The following HERC1 variants were observed in gnomAD, a reference collection of about 807,000 sequenced individuals.
HERC1 encodes the protein probable E3 ubiquitin-protein ligase HERC1.
A neutral mutation model predicts 554.3 loss-of-function variants in HERC1; 160 were observed. The observed-to-expected ratio is 0.29, with a 90% CI of 0.25 to 0.33. The LOEUF (loss-of-function observed/expected upper bound fraction) is 0.33. HERC1 is among the 10% of genes least tolerant of loss of function. The pLI is 1.00. For synonymous variants in HERC1, 2,175 were observed against 2,131.7 expected (o/e 1.02, Z -0.56); for missense variants, 4,919 against 5,918.5 (o/e 0.83, Z 5.54).
chr15:63,726,266 G>A (rs189917463), intron 17 of HERC1, among the ~76,000 whole-genome samples: 328 of 152,322 alleles, frequency 2.2e-3, no homozygotes, highest in Non-Finnish European at 3.7e-3. Context: ...ATAGGCATGA[G>A]CCATCATGCC....
chr15:63,656,314 A>G lies in HERC1; in HGVS notation c.9644T>C (p.Leu3215Pro). The G allele has an allele frequency of 6.2e-7, 1 of 1,613,628 alleles. No individual in the cohort carries two copies. Among genetic ancestry groups the G allele is most frequent in the Non-Finnish European group, 8.5e-7 (1 of 1,179,740 alleles). Residue 3215 changes from leucine (L) to proline (P), a missense_variant, in exon 49 of 78, where the codon CTA becomes CCA. This residue lies in a region of HERC1 where 1,963 missense variants were observed against 2,228.6 expected (regional missense o/e 0.88). Coordinates refer to ENST00000443617, the MANE Select transcript of HERC1 (RefSeq NM_003922.4). Reference protein sequence around the residue: ...SLAAGLESLGLTDIRTLVRLM... With the variant: ...SLAAGLESLGPTDIRTLVRLM... ...TCGAACTAGCGTTCGGATATCTGTT[A>G]GCCCCAGAGACTCAAGACCAGCAGC...
Position 63,732,897 on chromosome 15 carries a change from T to A in HERC1, c.2868+27A>T, listed in dbSNP as rs941762687. 3 of 1,443,818 alleles carry A rather than the reference T, an allele frequency of 2.1e-6. No homozygotes were observed. The African/African-American group carries it at 4.2e-5, about 20-fold the overall frequency. 89.4% of individuals were successfully genotyped at this position (1,443,818 alleles called of 1,614,324 possible). A position where few individuals can be genotyped will look rare whatever the true frequency, so the allele number is the denominator to read the frequency against. On this transcript the variant is annotated intron_variant, in intron 14 of 77. Transcript: ENST00000443617. ...AGAGATCCCTACCCCTTTATTCTTT[T>A]TTTACTACAATGAAAGAACAACTTA... is the stretch of plus-strand genomic sequence containing the variant.
chr15:63,613,630 C>T (rs924772757), intron 76 of HERC1, among the ~76,000 whole-genome samples: 5 of 151,708 alleles, frequency 3.3e-5, no homozygotes, highest in Admixed American at 6.6e-5. Flanking sequence ...CCTATATTAT[C>T]GTGTTGTACA....
chr15:63,757,262 C>CCTTT (rs754467249), intron 4 of HERC1, among the ~76,000 whole-genome samples: 2 of 107,880 alleles, frequency 1.9e-5, no homozygotes, highest in African/African-American at 7.1e-5. Context: ...TTTTTATTTA[C>CCTTT]TTTTTTTTTT....
At position 63,678,002 on chromosome 15, in the gene HERC1, G is replaced by A. The variant is rs1435040668; in HGVS notation, c.6913C>T (p.Pro2305Ser). ...QLRTLCIEVWPVLAVIGGVDA... is the reference protein window; with the variant it reads ...QLRTLCIEVWSVLAVIGGVDA... ...ACTCCTCCTATCACAGCCAGCACGGGCCACACCTCTATGCAAAGAGTCCTC... is the reference window on the plus strand; with the variant it reads ...ACTCCTCCTATCACAGCCAGCACGGACCACACCTCTATGCAAAGAGTCCTC... The change falls in exon 37 of 78, where the codon CCC becomes TCC. Residue 2305 changes from proline to serine, a missense_variant. Pro to Ser is a moderately conservative substitution (Grantham distance 74). Around this residue, in one of 11 missense-constraint regions of HERC1, gnomAD observed 1,963 missense variants for 2,228.6 expected, o/e 0.88. Coordinates refer to ENST00000443617, the MANE Select transcript of HERC1 (RefSeq NM_003922.4). 2 of 1,613,936 alleles carry A rather than the reference G, an allele frequency of 1.2e-6. No homozygotes were observed. Among genetic ancestry groups the A allele is most frequent in the Non-Finnish European group, 1.7e-6 (2 of 1,179,866 alleles).
intron 52 of HERC1, 40 bp from the exon 53 acceptor site, chr15:63,651,420 C>G (rs1322021916): frequency 6.3e-7 from 1 of 1,578,074 alleles, no homozygotes; most frequent in South Asian, 1.2e-5. Context: ...TAATCCCCAT[C>G]ATTCAAAAGT....
chr15:63,639,902 T>C (rs555006142), intron 61 of HERC1, among the ~76,000 whole-genome samples: 2 of 152,146 alleles, frequency 1.3e-5, no homozygotes, highest in East Asian at 1.9e-4. Context: ...AATGAGAAAA[T>C]ATGGGACTAT....
At chr15:63,711,777 A>G (rs1425595545) in intron 24 of HERC1, among the ~76,000 whole-genome samples, 2 of 152,196 alleles carry the variant, frequency 1.3e-5, no homozygotes, top group Non-Finnish European at 2.9e-5. Context: ...AGTAGAATCG[A>G]GACCAGAAGC....
rs759590678 is a variant in HERC1, at chr15:63,734,470, G to A, written c.2646+254C>T. On this transcript the variant is annotated intron_variant, in intron 13 of 77. Coordinates refer to ENST00000443617, the MANE Select transcript of HERC1 (RefSeq NM_003922.4). The surrounding 1 kb of genome is among the most constrained non-coding windows in gnomAD (Gnocchi z 4.6). ...CAGCATACTACAAATAAACCACAGA[G>A]TGTCTGGCTTAGTACCATAAGAAAC... Among the ~76,000 whole-genome samples the A allele has an allele frequency of 3.3e-5, 5 of 152,252 alleles. No homozygotes were observed. The highest frequency in any genetic ancestry group is 1.2e-4 in the African/African-American group (5 of 41,530).
At chr15:63,735,872 T>C (rs745875724) in intron 12 of HERC1, among the ~76,000 whole-genome samples, 20 of 152,206 alleles carry the variant, frequency 1.3e-4, no homozygotes, top group Non-Finnish European at 2.4e-4. Context: ...AAATCTTTAA[T>C]GACTTTCTCA....
intron 1 of HERC1, among the ~76,000 whole-genome samples, chr15:63,815,272 A>G (rs187210997): frequency 6.6e-6 from 1 of 152,326 alleles, no homozygotes; most frequent in East Asian, 1.9e-4. Context: ...TCCACCTTCC[A>G]TATCTTGCAA....
rs117894525 is a variant in HERC1 at position 63,669,110 on chromosome 15, A to G, written c.8206+428T>C. On this transcript the variant is annotated intron_variant, in intron 40 of 77. Coordinates refer to ENST00000443617, the MANE Select transcript of HERC1 (RefSeq NM_003922.4). ...AAAATTAGAAAGCAGTAACAAAACGATATCTAGAAAATCCCCCAAATATTT... is the reference window on the plus strand; with the variant it reads ...AAAATTAGAAAGCAGTAACAAAACGGTATCTAGAAAATCCCCCAAATATTT... Among the ~76,000 whole-genome samples, 602 of 152,370 alleles carry G rather than the reference A, an allele frequency of 4.0e-3. 3 individuals are homozygous for G. The highest frequency in any genetic ancestry group is 6.9e-3 in the Non-Finnish European group (472 of 68,040).
intron 40 of HERC1, 114 bp from the exon 41 acceptor site, chr15:63,666,586 C>T (rs761884471): frequency 6.0e-6 from 4 of 667,772 alleles, no homozygotes; most frequent in Non-Finnish European, 1.0e-5. Context: ...AAATTTTCCT[C>T]TACTCAGAAT....
chr15:63,637,435 A>C, intron 64 of HERC1, 70 bp downstream of exon 64: 1 of 1,336,696 alleles, frequency 7.5e-7, no homozygotes, highest in African/African-American at 1.5e-5. Flanking sequence ...TGAGAAGGGC[A>C]AAGGTTTGTA....
intron 12 of HERC1, among the ~76,000 whole-genome samples, chr15:63,744,644 G>C (rs1251316307): frequency 1.3e-5 from 2 of 152,148 alleles, no homozygotes; most frequent in Admixed American, 6.5e-5. Flanking sequence ...AGGCCACAAG[G>C]AGTATTGCCA....
chr15:63,664,381 T>A, intron 43 of HERC1, 89 bp downstream of exon 43: 3 of 1,171,530 alleles, frequency 2.6e-6, no homozygotes, highest in Non-Finnish European at 3.7e-6. Context: ...GCACTTAGTA[T>A]CATTAGTTTG....
chr15:63,765,732 G>A (rs2075755396), intron 2 of HERC1, among the ~76,000 whole-genome samples: 1 of 152,108 alleles, frequency 6.6e-6, no homozygotes, highest in East Asian at 1.9e-4. Flanking sequence ...GATCTTACAT[G>A]TACTGATTGA....
At chr15:63,621,718 T>G (rs1347220422) in intron 74 of HERC1, among the ~76,000 whole-genome samples, 3 of 152,216 alleles carry the variant, frequency 2.0e-5, no homozygotes, top group Admixed American at 6.5e-5. Context: ...TAAACTTCTC[T>G]TCTCGCTTCA....
At chr15:63,746,322 A>T (rs1307695238) in intron 12 of HERC1, among the ~76,000 whole-genome samples, 2 of 152,076 alleles carry the variant, frequency 1.3e-5, no homozygotes, top group African/African-American at 2.4e-5. Flanking sequence ...AAATTACTGT[A>T]CTTTCTATTA....
Sources: gnomAD v4.1 joint callset for allele counts (sites outside exome capture counted in the v4.1 genomes callset) on GRCh38, gnomAD v4.1.1 for gene constraint, gnomAD v4.1.1 regional missense constraint, Gnocchi (gnomAD v3.1) non-coding constraint, MANE v1.5 for transcripts, NCBI Gene and HGNC (gene_info 2026-07-23, HGNC 2026-07-21) for gene names.